The following DNAH6 variants were observed in gnomAD, a reference collection of about 807,000 sequenced individuals.
DNAH6 encodes the protein axonemal beta dynein heavy chain 6.
In DNAH6, 340 loss-of-function variants were observed where a neutral mutation model predicts 491.4. The ratio of observed to expected loss-of-function variants is 0.69; its 90% CI spans 0.63 to 0.76. The LOEUF is 0.76. Ranked by LOEUF, DNAH6 falls within the 30% of genes least tolerant of loss-of-function variation. The pLI is 0.00. For missense variants in DNAH6, 4,443 were observed against 4,972.2 expected (o/e 0.89, Z 3.20); for synonymous variants, 1,603 against 1,686.1 (o/e 0.95, Z 1.21).
intron 62 of DNAH6, among the ~76,000 whole-genome samples, chr2:84,740,854 A>G (rs1476099135): frequency 6.6e-6 from 1 of 151,910 alleles, no homozygotes; most frequent in East Asian, 1.9e-4. Flanking sequence ...TAATTCCACC[A>G]CCTACTACTG....
the DNAH6 span, among the ~76,000 whole-genome samples, chr2:84,499,304 T>C: frequency 6.6e-6 from 1 of 152,196 alleles, no homozygotes; most frequent in African/African-American, 2.4e-5. Context: ...TGTTTGTCTT[T>C]CTGTGCCTGG....
At chr2:84,558,488 G>A (rs1363077878) in intron 11 of DNAH6, among the ~76,000 whole-genome samples, 2 of 151,472 alleles carry the variant, frequency 1.3e-5, no homozygotes, top group African/African-American at 2.4e-5. Context: ...GCAATCCATC[G>A]ATCCACATGC....
At chr2:84,737,245 G>C (rs1699598195) in intron 62 of DNAH6, among the ~76,000 whole-genome samples, 1 of 151,994 alleles carries the variant, frequency 6.6e-6, no homozygotes, top group Non-Finnish European at 1.5e-5. Flanking sequence ...TTTTGTTGAA[G>C]ATTTTTGAGT....
Position 84,604,412 on chromosome 2 carries a change from A to G in DNAH6, c.2942A>G (p.Asp981Gly), listed in dbSNP as rs755894012. ...RHWAAIEQTV[D>G]ATLVDAEIPL... Reference sequence around the variant, plus strand: ...TGGGCAGCTATTGAACAAACAGTTGATGCCACTCTAGTGGATGCTGAAATT... The same window carrying G: ...TGGGCAGCTATTGAACAAACAGTTGGTGCCACTCTAGTGGATGCTGAAATT... The change falls in exon 19 of 77, where the codon GAT becomes GGT. Residue 981 changes from aspartate to glycine, a missense_variant. Physicochemically the swap from Asp to Gly is moderately conservative, Grantham distance 94. Transcript: ENST00000389394. 5.8e-6 allele frequency: 9 copies of G among 1,552,092 alleles called. No individual in the cohort carries two copies. The African/African-American group carries it at 1.2e-4, about 21-fold the overall frequency.
intron 63 of DNAH6, among the ~76,000 whole-genome samples, chr2:84,761,317 G>A (rs1674559441): frequency 6.6e-6 from 1 of 151,938 alleles, no homozygotes; most frequent in African/African-American, 2.4e-5. Context: ...TGGAGACTCA[G>A]AGGGGTGAGA....
chr2:84,567,998 A>G (rs1307797361), intron 11 of DNAH6, among the ~76,000 whole-genome samples: 18 of 152,332 alleles, frequency 1.2e-4, no homozygotes. Flanking sequence ...ATCACTGATC[A>G]TTAGAGAAAT....
intron 28 of DNAH6, 70 bp downstream of exon 28, chr2:84,624,690 C>A (rs1247653573): frequency 6.8e-7 from 1 of 1,466,110 alleles, no homozygotes; most frequent in Admixed American, 2.3e-5. Flanking sequence ...TGAAAAGTTT[C>A]ATATGACATT....
chr2:84,700,224 G>A (rs1358390160), intron 48 of DNAH6, among the ~76,000 whole-genome samples: 1 of 152,164 alleles, frequency 6.6e-6, no homozygotes, highest in Admixed American at 6.5e-5. Flanking sequence ...AGCGCTGTGG[G>A]ACCAGTGTCC....
chr2:84,670,230 C>T, intron 38 of DNAH6, 98 bp from the exon 39 acceptor site: 1 of 819,678 alleles, frequency 1.2e-6, no homozygotes. Flanking sequence ...TAACCTCTCT[C>T]TTTTTATCCT....
intron 36 of DNAH6, among the ~76,000 whole-genome samples, chr2:84,658,735 C>T (rs1035281584): frequency 6.6e-6 from 1 of 152,100 alleles, no homozygotes. Flanking sequence ...AATCTGCTTA[C>T]ATACCCTCAT....
intron 54 of DNAH6, among the ~76,000 whole-genome samples, chr2:84,708,480 G>GT (rs1347915547): frequency 9.2e-6 from 1 of 109,248 alleles, no homozygotes; most frequent in Non-Finnish European, 1.9e-5. Flanking sequence ...GAGAAAGGGG[G>GT]GGGGGAGGGA....
At chr2:84,698,294 T>C (rs1695577904) in intron 47 of DNAH6, among the ~76,000 whole-genome samples, 1 of 152,168 alleles carries the variant, frequency 6.6e-6, no homozygotes, top group Admixed American at 6.5e-5. Context: ...TTTGTGAGAA[T>C]TGTCTCTCCT....
chr2:84,808,236 C>G lies in DNAH6; in HGVS notation c.11612-179C>G, dbSNP rs184173722. On this transcript the variant is annotated intron_variant, in intron 71 of 76. Coordinates refer to ENST00000389394, the MANE Select transcript of DNAH6 (RefSeq NM_001370.2). Reference sequence around the variant, plus strand: ...TTCTGTGATTGCTTCTATATAAACACAGTTGAATCACAAAAGCATTCTAAA... The same window carrying G: ...TTCTGTGATTGCTTCTATATAAACAGAGTTGAATCACAAAAGCATTCTAAA... Among the ~76,000 whole-genome samples the G allele has an allele frequency of 8.6e-5, 13 of 151,888 alleles. No individual in the cohort carries two copies. The East Asian group carries it at 2.3e-3, about 27-fold the overall frequency.
intron 63 of DNAH6, among the ~76,000 whole-genome samples, chr2:84,759,727 A>G (rs535689584): frequency 6.6e-6 from 1 of 152,282 alleles, no homozygotes. Flanking sequence ...AACCCTAAAA[A>G]ATACCAACAT....
chr2:84,661,107 T>A (rs941083352), intron 37 of DNAH6, among the ~76,000 whole-genome samples: 1 of 152,144 alleles, frequency 6.6e-6, no homozygotes. Flanking sequence ...TGCCTTTGGA[T>A]AACCCAGGTT....
At chr2:84,606,219 G>T (rs1685747901) in intron 20 of DNAH6, among the ~76,000 whole-genome samples, 1 of 152,174 alleles carries the variant, frequency 6.6e-6, no homozygotes. Context: ...CTAATAGGGT[G>T]TATCCAGGCC....
chr2:84,633,286 G>A (rs935628375), intron 29 of DNAH6, among the ~76,000 whole-genome samples: 2 of 151,912 alleles, frequency 1.3e-5, no homozygotes, highest in Non-Finnish European at 2.9e-5. Flanking sequence ...GCCTAATATC[G>A]TCTCCCAGTA....
At chr2:84,535,885 A>G (rs1353619747) in intron 4 of DNAH6, among the ~76,000 whole-genome samples, 2 of 152,018 alleles carry the variant, frequency 1.3e-5, no homozygotes, top group Non-Finnish European at 2.9e-5. Flanking sequence ...TTTAGGAAGA[A>G]GAAAAAAGAA....
chr2:84,747,475 A>C (rs1673069397), intron 63 of DNAH6, among the ~76,000 whole-genome samples: 2 of 152,316 alleles, frequency 1.3e-5, no homozygotes, highest in Admixed American at 1.3e-4. Flanking sequence ...CTGCATCCTG[A>C]GCATACCGGT....
Sources: gnomAD v4.1 joint callset for allele counts (sites outside exome capture counted in the v4.1 genomes callset) on GRCh38, gnomAD v4.1.1 for gene constraint, MANE v1.5 for transcripts, NCBI Gene and HGNC (gene_info 2026-07-23, HGNC 2026-07-21) for gene names.